Variants in NELFE observed in about 807,000 individuals in gnomAD.
NELFE encodes the protein negative elongation factor complex member E, also known as negative elongation factor E.
NELFE carries 26 observed loss-of-function variants against 55.5 expected under a neutral mutation model. That is an observed-to-expected ratio of 0.47 (90% CI 0.34 to 0.65). The LOEUF is 0.65. Among genes scored for constraint, NELFE ranks in the 30% least tolerant of loss-of-function variants. The pLI is 0.01. For synonymous variants in NELFE, 162 were observed against 178.0 expected (o/e 0.91, Z 0.72); for missense variants, 403 against 506.9 (o/e 0.80, Z 1.97).
At position 31,953,996 on chromosome 6, in the gene NELFE, A is replaced by G. The variant is rs187866208; in HGVS notation, c.942+84T>C. The G allele has an allele frequency of 7.4e-5, 110 of 1,490,782 alleles. No homozygotes were observed. The African/African-American group carries it at 1.4e-3, about 19-fold the overall frequency. 92.3% of individuals were successfully genotyped at this position (1,490,782 alleles called of 1,614,324 possible). A position where few individuals can be genotyped will look rare whatever the true frequency, so the allele number is the denominator to read the frequency against. On this transcript the variant is annotated intron_variant, in intron 9 of 10. Transcript: ENST00000375429. ...AGGCTTTCTTTATCAAGAGGAACCAACTTCTTCCTGGCATCTAGTATTTTG... is the reference window on the plus strand; with the variant it reads ...AGGCTTTCTTTATCAAGAGGAACCAGCTTCTTCCTGGCATCTAGTATTTTG...
intron 9 of NELFE, 111 bp downstream of exon 9, chr6:31,953,969 A>T: frequency 7.3e-7 from 1 of 1,368,418 alleles, no homozygotes; most frequent in South Asian, 1.2e-5. Flanking sequence ...GTGAATAGGG[A>T]GAGGCTTTCT....
chr6:31,954,625 TCGATCC>T lies in NELFE; in HGVS notation c.666_671del (p.Asp227_Arg228del), dbSNP rs202172278. On this transcript the variant is annotated inframe_deletion, in exon 7 of 11. Transcript: ENST00000375429. This position sits in a 1 kb window ranked among gnomAD's most constrained non-coding sequence, Gnocchi z 5.5. ...CCCTGTCCCGTTCCCGGTCTCGATCTCGATCCCGATCCCGATCCCTGTCCCGCTCTC... is the reference window on the plus strand; with the variant it reads ...CCCTGTCCCGTTCCCGGTCTCGATCTCGATCCCGATCCCTGTCCCGCTCTC... The T allele has an allele frequency of 6.7e-3, 10,802 of 1,607,484 alleles. 153 individuals carry two copies. The highest frequency in any genetic ancestry group is 0.044 in the Middle Eastern group (263 of 6,024).
chr6:31,958,247 C>T, intron 2 of NELFE, 125 bp downstream of exon 2: 2 of 853,346 alleles, frequency 2.3e-6, no homozygotes, highest in Middle Eastern at 2.2e-4. Context: ...CGAAGCTACA[C>T]TGTGAGGTGA....
At chr6:31,953,993 C>A in intron 9 of NELFE, 87 bp downstream of exon 9, 1 of 1,473,544 alleles carries the variant, frequency 6.8e-7, no homozygotes. Flanking sequence ...TCAAGAGGAA[C>A]CAACTTCTTC....
chr6:31,955,368 C>T (rs1441567401), intron 4 of NELFE, 75 bp from the exon 5 acceptor site: 7 of 1,009,378 alleles, frequency 6.9e-6, no homozygotes, highest in Non-Finnish European at 1.0e-5. Context: ...TTCCTCTTCC[C>T]TCACCCTCTT....
chr6:31,953,649 G>C (rs1771892872), intron 10 of NELFE, 80 bp downstream of exon 10: 1 of 1,226,428 alleles, frequency 8.2e-7, no homozygotes, highest in South Asian at 1.2e-5. Flanking sequence ...ATCATCTCTA[G>C]GAAACCCAAG....
At position 31,954,682 on chromosome 6, in the gene NELFE, ATCCCGCTCCCGATCTCGG is replaced by A; in HGVS notation, c.597_614del (p.Glu203_Arg208del). ...TGTCTCTGTCTCGATCCCGGTCTCGATCCCGCTCCCGATCTCGGTCTCTGTCCCGGTTCCTCTCATGGC... is the reference window on the plus strand; with the variant it reads ...TGTCTCTGTCTCGATCCCGGTCTCGATCTCTGTCCCGGTTCCTCTCATGGC... On this transcript the variant is annotated inframe_deletion, in exon 7 of 11. Transcript: ENST00000375429. The surrounding 1 kb of genome is among the most constrained non-coding windows in gnomAD (Gnocchi z 5.5). 1 of 1,597,850 alleles carries A rather than the reference ATCCCGCTCCCGATCTCGG, an allele frequency of 6.3e-7. No individual in the cohort carries two copies. Among genetic ancestry groups the A allele is most frequent in the Non-Finnish European group, 8.5e-7 (1 of 1,173,562 alleles).
In NELFE at chr6:31,953,910, A is replaced by G. The variant is rs1582147762; in HGVS notation, c.943-79T>C. ...CAAAGAAGTTATTCCAGGAGTTGCT[A>G]TCCTAGGAGGAGACTGAATAAGGAA... On this transcript the variant is annotated intron_variant, in intron 9 of 10. Transcript: ENST00000375429. 2.2e-6 allele frequency: 3 copies of G among 1,393,676 alleles called. No homozygotes were observed. In the East Asian group the frequency reaches 6.8e-5, roughly 32 times the overall value. The allele number at this position is 1,393,676 out of a possible 1,614,324, so 86.3% of individuals were successfully genotyped here.
In NELFE at chr6:31,956,723, C is replaced by T; in HGVS notation, c.261G>A (p.Lys87=). 1 of 1,611,914 alleles carries T rather than the reference C, an allele frequency of 6.2e-7. No individual in the cohort carries two copies. Among genetic ancestry groups the T allele is most frequent in the Non-Finnish European group, 8.5e-7 (1 of 1,179,032 alleles). The change falls in exon 4 of 11, where the codon AAG becomes AAA. Residue 87 remains lysine (K), a synonymous_variant. Coordinates refer to ENST00000375429, the MANE Select transcript of NELFE (RefSeq NM_002904.6). Reference sequence around the variant, plus strand: ...ACTTCCCCTCAAGGGTTCGAGAACGCTTGAAGCCTGAGTTCTTGGTCTCAG... The same window carrying T: ...ACTTCCCCTCAAGGGTTCGAGAACGTTTGAAGCCTGAGTTCTTGGTCTCAG... The part of the protein sequence containing the change: ...IKAETKNSGF[K]RSRTLEGKLK...
intron 1 of NELFE, 25 bp downstream of exon 1, chr6:31,958,867 A>G: frequency 1.6e-6 from 1 of 612,142 alleles, no homozygotes; most frequent in African/African-American, 1.8e-5. Context: ...AAAAGGGCCG[A>G]AGAGTGAGAA....
intron 10 of NELFE, 108 bp downstream of exon 10, chr6:31,953,621 G>A (rs956149971): frequency 8.7e-6 from 8 of 923,678 alleles, no homozygotes; most frequent in Middle Eastern, 2.3e-4. Context: ...CATAGCCTCC[G>A]CACACACTCT....
chr6:31,953,854 G>A (rs1204216139), intron 9 of NELFE, 23 bp from the exon 10 acceptor site: 1 of 1,579,384 alleles, frequency 6.3e-7, no homozygotes, highest in African/African-American at 1.3e-5. Flanking sequence ...AGGGGAGGCA[G>A]AGGATGGGGA....
Position 31,954,385 on chromosome 6 carries a change from T to C in NELFE, c.800A>G (p.Tyr267Cys). The part of the protein sequence containing the change: ...APRKGNTLYV[Y>C]GEDMTPTLLR... The stretch of plus-strand genomic sequence containing the variant: ...AAGGGTGGGTGTCATGTCTTCTCCA[T>C]ATACATAGAGAGTATTCCCTTTCCT... The change falls in exon 8 of 11, where the codon TAT becomes TGT. Residue 267 changes from tyrosine to cysteine, a missense_variant. Physicochemically the swap from Tyr to Cys is radical, Grantham distance 194. This residue lies in a region of NELFE where 229 missense variants were observed against 228.3 expected (regional missense o/e 1.00). Coordinates refer to ENST00000375429, the MANE Select transcript of NELFE (RefSeq NM_002904.6). This position sits in a 1 kb window ranked among gnomAD's most constrained non-coding sequence, Gnocchi z 5.5. 2 of 1,613,532 alleles carry C rather than the reference T, an allele frequency of 1.2e-6. No individual in the cohort carries two copies. Among genetic ancestry groups the C allele is most frequent in the Non-Finnish European group, 1.7e-6 (2 of 1,179,762 alleles).
chr6:31,958,755 G>C, intron 1 of NELFE, 137 bp downstream of exon 1: 1 of 701,080 alleles, frequency 1.4e-6, no homozygotes, highest in Non-Finnish European at 2.6e-6. Flanking sequence ...CCCTCGCTAG[G>C]GTAAGGACAA....
At chr6:31,956,885 A>T in intron 3 of NELFE, 47 bp from the exon 4 acceptor site, 1 of 1,613,004 alleles carries the variant, frequency 6.2e-7, no homozygotes, top group Non-Finnish European at 8.5e-7. Flanking sequence ...AGCCATGATG[A>T]AGGTCAGCTC....
At chr6:31,952,452 C>T (rs1417201008) in intron 10 of NELFE, 54 bp from the exon 11 acceptor site, 15 of 1,362,354 alleles carry the variant, frequency 1.1e-5, no homozygotes, top group Non-Finnish European at 1.5e-5. Flanking sequence ...TAGAACAGAC[C>T]CTGAGGCTGA....
At position 31,954,509 on chromosome 6, in the gene NELFE, TAA is replaced by T; in HGVS notation, c.742+44_742+45del. 1 of 1,584,812 alleles carries T rather than the reference TAA, an allele frequency of 6.3e-7. No individual in the cohort carries two copies. Among genetic ancestry groups the T allele is most frequent in the South Asian group, 1.2e-5 (1 of 85,944 alleles). ...CACATTTCACTTAGTAGGACCCACA[TAA>T]ACCTCAGTTAAGGTCACCTTGACCT... On this transcript the variant is annotated intron_variant, in intron 7 of 10. Transcript: ENST00000375429. The surrounding 1 kb of genome is among the most constrained non-coding windows in gnomAD (Gnocchi z 5.5).
rs1246303989 is a variant in NELFE, at chr6:31,952,265, G to A, written c.*36C>T. On this transcript the variant is annotated 3_prime_UTR_variant, in exon 11 of 11. Coordinates refer to ENST00000375429, the MANE Select transcript of NELFE (RefSeq NM_002904.6). The stretch of plus-strand genomic sequence containing the variant: ...TCAGTGTTTTACTGAGACCAGCATT[G>A]GGGCATATGAGGCACAAGGAATCCA... 6.5e-7 allele frequency: 1 copy of A among 1,545,004 alleles called. No homozygotes were observed. The highest frequency in any genetic ancestry group is 1.1e-5 in the South Asian group (1 of 88,738).
intron 2 of NELFE, chr6:31,957,336 C>T: frequency 1.8e-6 from 1 of 562,612 alleles, no homozygotes; most frequent in Admixed American, 2.2e-5. Context: ...GAAGCTTCAT[C>T]CATCTATTTC....
Sources: allele counts gnomAD v4.1 joint callset, GRCh38; gene constraint gnomAD v4.1.1; regional missense constraint gnomAD v4.1.1; non-coding constraint Gnocchi (gnomAD v3.1); transcripts MANE v1.5; gene names NCBI Gene and HGNC (gene_info 2026-07-23, HGNC 2026-07-21).